Variants in BTD observed in about 807,000 individuals in gnomAD.
The protein encoded by BTD is biotinidase, also known as biocytinase.
A neutral mutation model predicts 17.7 loss-of-function variants in BTD; 13 were observed. The observed-to-expected ratio is 0.74, with a 90% CI of 0.48 to 1.17. The LOEUF is 1.17. BTD is among the 50% of genes most tolerant of loss of function. The pLI, the probability that BTD is intolerant of heterozygous loss-of-function variation, is 0.00. For missense variants in BTD, 674 were observed against 650.4 expected (o/e 1.04, Z -0.39); for synonymous variants, 240 against 245.2 (o/e 0.98, Z 0.20).
intron 1 of BTD, among the ~76,000 whole-genome samples, chr3:15,607,491 A>G (rs2064492106): frequency 6.6e-6 from 1 of 152,244 alleles, no homozygotes; most frequent in African/African-American, 2.4e-5. Flanking sequence ...TATTCTCTAA[A>G]GACTGCAGCT....
chr3:15,698,498 C>G (rs1212106954), intron 3 of BTD, among the ~76,000 whole-genome samples: 2 of 152,198 alleles, frequency 1.3e-5, no homozygotes, highest in Non-Finnish European at 2.9e-5. Flanking sequence ...ACCCCATCGT[C>G]TCAGCTCAAA....
chr3:15,686,162 T>A (rs1270143913), intron 3 of BTD: 22 of 1,598,218 alleles, frequency 1.4e-5, no homozygotes, highest in Non-Finnish European at 1.8e-5. Flanking sequence ...CACTTAAGAC[T>A]GTACTCTGGT....
At chr3:15,669,363 C>G (rs951808632) in intron 3 of BTD, 7 of 152,152 alleles carry the variant, frequency 4.6e-5, no homozygotes, top group African/African-American at 1.7e-4. Flanking sequence ...GACCACTTAG[C>G]TGCAATAGGG....
chr3:15,711,450 A>G (rs1479131967), exon 4 of BTD, among the ~76,000 whole-genome samples: 1 of 152,210 alleles, frequency 6.6e-6, no homozygotes, highest in Admixed American at 6.5e-5. Flanking sequence ...TTATTTAGCA[A>G]TAAAAAGAAA....
At chr3:15,661,182 C>T (rs1422876754) in intron 3 of BTD, among the ~76,000 whole-genome samples, 1 of 146,048 alleles carries the variant, frequency 6.8e-6, no homozygotes, top group African/African-American at 2.6e-5. Flanking sequence ...AGGAGAATCA[C>T]TTGAACCCGG....
At chr3:15,672,671 T>C (rs1273641108) in intron 3 of BTD, among the ~76,000 whole-genome samples, 2 of 152,194 alleles carry the variant, frequency 1.3e-5, no homozygotes, top group African/African-American at 4.8e-5. Context: ...GAACAACCCA[T>C]TACATAGGCC....
chr3:15,601,605 G>A, upstream of BTD: 5 of 1,572,208 alleles, frequency 3.2e-6, no homozygotes, highest in African/African-American at 1.3e-5. Context: ...CTTAAACAAC[G>A]GGAAGGAAGA....
rs1359144202 is a variant in BTD at position 15,651,573 on chromosome 3, G to A, written c.*6085G>A. On this transcript the variant is annotated 3_prime_UTR_variant, in exon 4 of 4. Transcript: ENST00000643237. ...GGGCTGTGAGAGAGACAGCCAGACC[G>A]TAGCGGTGTGACAGGCAGAGAGCCA... Among the ~76,000 whole-genome samples the A allele has an allele frequency of 2.0e-5, 3 of 152,202 alleles. No homozygotes were observed. The highest frequency in any genetic ancestry group is 6.5e-5 in the Admixed American group (1 of 15,290).
chr3:15,644,515 C>A lies in BTD; in HGVS notation c.599C>A (p.Ala200Glu). The A allele has an allele frequency of 6.2e-7, 1 of 1,614,178 alleles. No homozygotes were observed. The highest frequency in any genetic ancestry group is 8.5e-7 in the Non-Finnish European group (1 of 1,180,028). Reference sequence around the variant, plus strand: ...AAACACAACCTCTACTTTGAGGCAGCATTCGATGTTCCTCTTAAAGTGGAT... The same window carrying A: ...AAACACAACCTCTACTTTGAGGCAGAATTCGATGTTCCTCTTAAAGTGGAT... The part of the protein sequence containing the change: ...YRKHNLYFEA[A>E]FDVPLKVDLI... The change falls in exon 4 of 4, where the codon GCA (alanine) becomes GAA (glutamate). Residue 200 changes from alanine (A) to glutamate (E), a missense_variant. Coordinates refer to ENST00000643237, the MANE Select transcript of BTD (RefSeq NM_001370658.1).
In BTD at chr3:15,608,177, C is replaced by T. The variant is rs114784550; in HGVS notation, c.-17+6283C>T. On this transcript the variant is annotated intron_variant, in intron 1 of 3. Transcript: ENST00000643237. ...GATTCCTGCCTTTGGCTTGGGCTGG[C>T]AAGCCCTGTGCCTTTACTCTACATT... is the stretch of plus-strand genomic sequence containing the variant. 1.0e-2 allele frequency among the ~76,000 whole-genome samples: 1,517 copies of T among 152,336 alleles called. 12 individuals carry two copies. Among genetic ancestry groups the T allele is most frequent in the Middle Eastern group, 0.031 (9 of 294 alleles).
chr3:15,664,826 A>G (rs906371582), intron 3 of BTD, among the ~76,000 whole-genome samples: 33 of 152,308 alleles, frequency 2.2e-4, no homozygotes, highest in Admixed American at 2.2e-3. Flanking sequence ...CATGGACACA[A>G]AGAGGGGAAC....
At chr3:15,658,568 CT>C (rs2065893550), downstream of BTD, among the ~76,000 whole-genome samples, 1 of 152,016 alleles carries the variant, frequency 6.6e-6, no homozygotes, top group South Asian at 2.1e-4. Context: ...AGTCAAACCC[CT>C]TTAATCCAAG....
intron 4 of BTD, among the ~76,000 whole-genome samples, chr3:15,720,701 AT>A (rs202106608): frequency 0.017 from 2,557 of 152,268 alleles, 69 homozygotes; most frequent in African/African-American, 0.058. Context: ...CTGGAACCCC[AT>A]ATAAATGGAA....
intron 3 of BTD, chr3:15,695,085 T>G (rs961667436): frequency 2.0e-6 from 2 of 976,246 alleles, no homozygotes; most frequent in Non-Finnish European, 3.2e-6. Context: ...GTGCCTAATA[T>G]GTAAAAACAC....
chr3:15,710,380 G>C (rs1191600217), exon 4 of BTD, among the ~76,000 whole-genome samples: 1 of 152,150 alleles, frequency 6.6e-6, no homozygotes, highest in African/African-American at 2.4e-5. Flanking sequence ...ACTCAAGTCT[G>C]TTGTCCCTCT....
chr3:15,657,475 C>A (rs1348721217), downstream of BTD, among the ~76,000 whole-genome samples: 1 of 143,254 alleles, frequency 7.0e-6, no homozygotes, highest in African/African-American at 2.5e-5. Context: ...AGAGGCTGAA[C>A]AACTGGCTCA....
In BTD at chr3:15,634,541, C is replaced by T. The variant is rs796892466; in HGVS notation, c.-16-883C>T. ...ATTCTGGGAGGAAGGAGGAGACACACAGAAGTATCATTTATTTCTAGTCTT... is the reference window on the plus strand; with the variant it reads ...ATTCTGGGAGGAAGGAGGAGACACATAGAAGTATCATTTATTTCTAGTCTT... On this transcript the variant is annotated intron_variant, in intron 1 of 3. Coordinates refer to ENST00000643237, the MANE Select transcript of BTD (RefSeq NM_001370658.1). Among the ~76,000 whole-genome samples, 4 of 152,296 alleles carry T rather than the reference C, an allele frequency of 2.6e-5. No individual in the cohort carries two copies. The South Asian group carries it at 6.2e-4, about 24-fold the overall frequency.
At chr3:15,605,887 A>G (rs1466586982) in intron 1 of BTD, among the ~76,000 whole-genome samples, 1 of 151,986 alleles carries the variant, frequency 6.6e-6, no homozygotes, top group African/African-American at 2.4e-5. Context: ...CTGCTAAAAT[A>G]CAAAAATTAT....
At chr3:15,633,070 G>T (rs982614848) in intron 1 of BTD, among the ~76,000 whole-genome samples, 1 of 152,000 alleles carries the variant, frequency 6.6e-6, no homozygotes, top group African/African-American at 2.4e-5. Context: ...ACTTCCTCCT[G>T]TACACTTTAA....
Sources: allele counts gnomAD v4.1 joint callset (sites outside exome capture counted in the v4.1 genomes callset), GRCh38; gene constraint gnomAD v4.1.1; transcripts MANE v1.5; gene names NCBI Gene and HGNC (gene_info 2026-07-23, HGNC 2026-07-21).